Variants in ZNF469 observed in about 807,000 individuals in gnomAD.
ZNF469 encodes the protein zinc finger protein 469.
Under a neutral mutation model 1.0 loss-of-function variants are expected in ZNF469, and 1 was observed. The ratio of observed to expected loss-of-function variants is 1.00; its 90% CI spans 0.35 to 4.73. The LOEUF (loss-of-function observed/expected upper bound fraction) is 4.73, where lower values mean the gene tolerates loss of function less well. ZNF469 is among the 30% of genes most tolerant of loss of function. The probability of loss-of-function intolerance (pLI) is 0.16; values close to 1 mark genes in which losing one functional copy is unlikely to be tolerated. For missense variants in ZNF469, 6,100 were observed against 5,356.3 expected (o/e 1.14, Z -4.33); for synonymous variants, 2,703 against 2,363.4 (o/e 1.14, Z -4.17).
At chr16:88,406,578 G>T (rs1257243271) in intron 1 of ZNF469, among the ~76,000 whole-genome samples, 4 of 152,178 alleles carry the variant, frequency 2.6e-5, no homozygotes, top group African/African-American at 9.7e-5. Flanking sequence ...CCCTGCCCAG[G>T]GTGAGGGACT....
chr16:88,147,258 G>T, the ZNF469 span, among the ~76,000 whole-genome samples: 6 of 152,084 alleles, frequency 3.9e-5, no homozygotes, highest in Admixed American at 1.3e-4. Flanking sequence ...AGGTGGGGAA[G>T]ATTCTCCCCT....
the ZNF469 span, among the ~76,000 whole-genome samples, chr16:88,189,636 C>G: frequency 6.6e-6 from 1 of 152,204 alleles, no homozygotes; most frequent in African/African-American, 2.4e-5. This position sits in a 1 kb window ranked among gnomAD's most constrained non-coding sequence, Gnocchi z 4.3. Flanking sequence ...GAAAAAGGCA[C>G]AGGCTGGGCA....
chr16:88,415,738 G>A (rs1905284742), intron 1 of ZNF469, among the ~76,000 whole-genome samples: 2 of 152,234 alleles, frequency 1.3e-5, no homozygotes, highest in African/African-American at 4.8e-5. Context: ...CTGGAACCCA[G>A]CACTGACACT....
chr16:88,382,958 C>T (rs1245916519), upstream of ZNF469, among the ~76,000 whole-genome samples: 20 of 151,796 alleles, frequency 1.3e-4, no homozygotes, highest in Admixed American at 3.9e-4. Flanking sequence ...CTCCGGGGGG[C>T]AGACCCCGCG....
chr16:88,315,063 A>C, the ZNF469 span, among the ~76,000 whole-genome samples: 1 of 152,220 alleles, frequency 6.6e-6, no homozygotes, highest in Non-Finnish European at 1.5e-5. Context: ...TATGCTGAGG[A>C]AGTGTCCTCC....
chr16:88,115,006 G>A, the ZNF469 span, among the ~76,000 whole-genome samples: 1 of 152,086 alleles, frequency 6.6e-6, no homozygotes, highest in Non-Finnish European at 1.5e-5. Flanking sequence ...GCAGAACCCA[G>A]AGGTGACTTA....
At chr16:88,279,105 C>T in the ZNF469 span, among the ~76,000 whole-genome samples, 1 of 129,740 alleles carries the variant, frequency 7.7e-6, no homozygotes, top group Non-Finnish European at 1.8e-5. Flanking sequence ...TTGGTCAGTA[C>T]TGTGTAGATA....
the ZNF469 span, among the ~76,000 whole-genome samples, chr16:88,200,465 G>C: frequency 6.6e-6 from 1 of 152,228 alleles, no homozygotes. Context: ...CAGAAGGCCG[G>C]CAGGGAGCGA....
In ZNF469 at chr16:88,432,701, A is replaced by G; in HGVS notation, c.5231A>G (p.Asp1744Gly). Residue 1744 changes from aspartate (D) to glycine (G), a missense_variant, in exon 3 of 3, where the codon GAC becomes GGC. Asp to Gly is a moderately conservative substitution (Grantham distance 94). Coordinates refer to ENST00000565624, the MANE Select transcript of ZNF469 (RefSeq NM_001367624.2). The part of the protein sequence containing the change: ...DAGSLAKCSP[D>G]QELSFPKNKE... ...GGGAGTTTAGCAAAGTGCAGCCCCG[A>G]CCAGGAACTTTCATTTCCTAAGAAT... The G allele has an allele frequency of 6.4e-7, 1 of 1,550,418 alleles. No individual in the cohort carries two copies. The highest frequency in any genetic ancestry group is 8.7e-7 in the Non-Finnish European group (1 of 1,146,996).
the ZNF469 span, among the ~76,000 whole-genome samples, chr16:88,375,485 C>G: frequency 6.6e-6 from 1 of 152,234 alleles, no homozygotes; most frequent in Non-Finnish European, 1.5e-5. Context: ...TGCACAGAGT[C>G]CCACCAGGGA....
chr16:88,159,764 G>A, the ZNF469 span, among the ~76,000 whole-genome samples: 4 of 152,078 alleles, frequency 2.6e-5, no homozygotes, highest in Admixed American at 6.5e-5. Context: ...TGGCTTTGTC[G>A]TCTTCACAGA....
chr16:88,365,982 T>C, the ZNF469 span, among the ~76,000 whole-genome samples: 2 of 152,206 alleles, frequency 1.3e-5, no homozygotes, highest in South Asian at 4.1e-4. Context: ...CATTCTGGTG[T>C]TCCCCCACAG....
At chr16:88,274,562 C>A in the ZNF469 span, among the ~76,000 whole-genome samples, 1 of 152,188 alleles carries the variant, frequency 6.6e-6, no homozygotes, top group Non-Finnish European at 1.5e-5. Context: ...GGTGTCCGGG[C>A]GGGGCCCCCG....
the ZNF469 span, among the ~76,000 whole-genome samples, chr16:88,226,517 G>A: frequency 6.6e-6 from 1 of 152,256 alleles, no homozygotes; most frequent in South Asian, 2.1e-4. Flanking sequence ...ATGTTGGGCT[G>A]TGACCTCCGG....
At chr16:88,290,219 C>T in the ZNF469 span, among the ~76,000 whole-genome samples, 1 of 152,238 alleles carries the variant, frequency 6.6e-6, no homozygotes, top group Admixed American at 6.5e-5. Flanking sequence ...ATCTGCCTGG[C>T]TGCAGATTTC....
the ZNF469 span, among the ~76,000 whole-genome samples, chr16:88,236,868 T>A: frequency 1.3e-5 from 2 of 151,158 alleles, no homozygotes. Context: ...AAAAAAAAAA[T>A]TATATTTGGT....
At chr16:88,157,610 C>T in the ZNF469 span, among the ~76,000 whole-genome samples, 1 of 152,036 alleles carries the variant, frequency 6.6e-6, no homozygotes, top group Non-Finnish European at 1.5e-5. Flanking sequence ...CATGACAGAC[C>T]CTCTCAGGGG....
chr16:88,282,626 C>T, the ZNF469 span, among the ~76,000 whole-genome samples: 36 of 152,278 alleles, frequency 2.4e-4, no homozygotes, highest in African/African-American at 7.9e-4. Context: ...GCTGCAGAGA[C>T]GTCGGATTGC....
the ZNF469 span, among the ~76,000 whole-genome samples, chr16:88,104,625 G>T: frequency 2.6e-5 from 4 of 152,238 alleles, no homozygotes; most frequent in Non-Finnish European, 5.9e-5. Flanking sequence ...GTCACATTCC[G>T]GGGGCCTGTC....
Sources: allele counts gnomAD v4.1 joint callset (sites outside exome capture counted in the v4.1 genomes callset), GRCh38; gene constraint gnomAD v4.1.1; non-coding constraint Gnocchi (gnomAD v3.1); transcripts MANE v1.5; gene names NCBI Gene and HGNC (gene_info 2026-07-23, HGNC 2026-07-21).